Variants in PC observed in about 807,000 individuals in gnomAD.
PC encodes the protein pyruvate carboxylase.
In PC, 46 loss-of-function variants were observed where a neutral mutation model predicts 107.8. That is an observed-to-expected ratio of 0.43 (90% CI 0.34 to 0.55). The LOEUF (loss-of-function observed/expected upper bound fraction) is 0.55, where lower values mean the gene tolerates loss of function less well. Ranked by LOEUF, PC falls within the 20% of genes least tolerant of loss-of-function variation. The pLI is 0.04. For missense variants in PC, 1,241 were observed against 1,643.1 expected, an observed-to-expected ratio of 0.76 and a Z score of 4.23; for synonymous variants, 662 against 684.7, an observed-to-expected ratio of 0.97 and a Z score of 0.52.
chr11:66,851,312 C>T, intron 16 of PC, 32 bp from the exon 17 acceptor site: 1 of 1,599,464 alleles, frequency 6.3e-7, no homozygotes, highest in Non-Finnish European at 8.5e-7. Context: ...GGGCTGAGCC[C>T]CACCCCACCT....
In PC at chr11:66,952,087, C is replaced by T. The variant is rs570706910; in HGVS notation, c.-1+343G>A. On this transcript the variant is annotated intron_variant, in intron 3 of 22. Transcript: ENST00000393960. ...ACCTCACACCACAGCTGCCTGCTCT[C>T]CATGCTGACTCAAGGGGTCTTCTCA... is the stretch of plus-strand genomic sequence containing the variant. 7.2e-5 allele frequency among the ~76,000 whole-genome samples: 11 copies of T among 152,258 alleles called. No homozygotes were observed. The East Asian group carries it at 1.2e-3, about 16-fold the overall frequency.
chr11:66,884,273 A>T (rs1947283776), intron 3 of PC, among the ~76,000 whole-genome samples: 1 of 151,692 alleles, frequency 6.6e-6, no homozygotes, highest in Non-Finnish European at 1.5e-5. Flanking sequence ...TTAGCTGGGC[A>T]TGGTGGTGCC....
At chr11:66,906,945 G>A (rs1948185426) in intron 3 of PC, among the ~76,000 whole-genome samples, 1 of 152,168 alleles carries the variant, frequency 6.6e-6, no homozygotes, top group African/African-American at 2.4e-5. Context: ...AACAGAGCAT[G>A]ACCTCAGCCC....
At chr11:66,900,409 G>A (rs145817922) in intron 3 of PC, among the ~76,000 whole-genome samples, 265 of 152,102 alleles carry the variant, frequency 1.7e-3, no homozygotes, top group African/African-American at 6.1e-3. Context: ...TGATCCGCCC[G>A]CCTTGGCCTC....
Position 66,849,719 on chromosome 11 carries a change from G to T in PC, c.3039C>A (p.Tyr1013Ter), listed in dbSNP as rs1487683285. The change falls in exon 21 of 23, where the codon TAC becomes TAA. Residue 1013 changes from tyrosine (Y) to a stop codon, truncating the protein, a stop_gained. Transcript: ENST00000393960. LOFTEE classifies it high-confidence loss of function. The part of the protein sequence containing the change: ...TPEDVLSAAM[Y>*]PDVFAHFKDF... ...CCTTGAAGTGGGCAAACACATCGGG[G>T]TACATAGCTGCTGAGAGCACATCTT... The T allele has an allele frequency of 6.2e-7, 1 of 1,614,088 alleles. No homozygotes were observed. The highest frequency in any genetic ancestry group is 1.1e-5 in the South Asian group (1 of 91,094).
chr11:66,947,247 C>T (rs940880717), intron 3 of PC, among the ~76,000 whole-genome samples: 1 of 151,826 alleles, frequency 6.6e-6, no homozygotes, highest in Non-Finnish European at 1.5e-5. Context: ...AGATGACCAA[C>T]AAAGGTGACT....
intron 3 of PC, among the ~76,000 whole-genome samples, chr11:66,923,247 A>G (rs967638983): frequency 3.3e-5 from 5 of 152,044 alleles, no homozygotes; most frequent in Non-Finnish European, 7.4e-5. Flanking sequence ...CTGTAGTCCC[A>G]GCTACTAGGG....
At chr11:66,900,873 T>C (rs1446454561) in intron 3 of PC, among the ~76,000 whole-genome samples, 2 of 152,212 alleles carry the variant, frequency 1.3e-5, no homozygotes, top group Admixed American at 6.5e-5. Context: ...TTAATTCAAA[T>C]AGATTTTTAA....
intron 3 of PC, among the ~76,000 whole-genome samples, chr11:66,896,649 T>C (rs1947770676): frequency 6.6e-6 from 1 of 152,168 alleles, no homozygotes; most frequent in Non-Finnish European, 1.5e-5. Flanking sequence ...GCCTCACTCT[T>C]ACTGATGAGA....
At position 66,858,882 on chromosome 11, in the gene PC, G is replaced by C; in HGVS notation, c.1368+4892C>G. 1.3e-6 allele frequency: 2 copies of C among 1,558,704 alleles called. No homozygotes were observed. The highest frequency in any genetic ancestry group is 1.7e-6 in the Non-Finnish European group (2 of 1,151,224). On this transcript the variant is annotated intron_variant, in intron 12 of 22. Coordinates refer to ENST00000393960, the MANE Select transcript of PC (RefSeq NM_001040716.2). This position sits in a 1 kb window ranked among gnomAD's most constrained non-coding sequence, Gnocchi z 5.9. ...GCCCCATGGTGGGAACAGCAGTGCC[G>C]AGGGGGGCCGCCCCGGGCCCTCGGA...
chr11:66,870,663 C>T lies in PC; in HGVS notation c.751+112G>A, dbSNP rs45521034. 5.3e-5 allele frequency: 65 copies of T among 1,228,362 alleles called. No individual in the cohort carries two copies. The East Asian group carries it at 8.1e-4, about 15-fold the overall frequency. 76.1% of individuals were successfully genotyped at this position (1,228,362 alleles called of 1,614,324 possible). A position where few individuals can be genotyped will look rare whatever the true frequency, so the allele number is the denominator to read the frequency against. On this transcript the variant is annotated intron_variant, in intron 8 of 22. Transcript: ENST00000393960. The surrounding 1 kb of genome is among the most constrained non-coding windows in gnomAD (Gnocchi z 6.1). ...CACTTTCCAGAGTCCTCTGGAAAAGCGCCCGACAGGCCCCAGGGCTGTCCC... is the reference window on the plus strand; with the variant it reads ...CACTTTCCAGAGTCCTCTGGAAAAGTGCCCGACAGGCCCCAGGGCTGTCCC...
At chr11:66,924,728 T>C (rs1230026356) in intron 3 of PC, among the ~76,000 whole-genome samples, 5 of 152,206 alleles carry the variant, frequency 3.3e-5, no homozygotes, top group East Asian at 3.8e-4. Context: ...TCCAAAGTGA[T>C]AGGATTACAG....
chr11:66,945,958 C>T (rs1321474590), intron 3 of PC, among the ~76,000 whole-genome samples: 8 of 150,972 alleles, frequency 5.3e-5, no homozygotes, highest in Non-Finnish European at 8.9e-5. Context: ...CGGTGGCGGG[C>T]GCCTGTAGTC....
chr11:66,877,758 C>G (rs1295229929), intron 3 of PC, among the ~76,000 whole-genome samples: 1 of 152,196 alleles, frequency 6.6e-6, no homozygotes, highest in African/African-American at 2.4e-5. Context: ...TGTGTTTGCA[C>G]AGGTTTTGAT....
intron 1 of PC, among the ~76,000 whole-genome samples, chr11:66,954,654 T>C (rs1187795894): frequency 1.3e-5 from 2 of 152,174 alleles, no homozygotes; most frequent in Non-Finnish European, 2.9e-5. Context: ...AATGAAAATG[T>C]TGACCAGAGG....
At chr11:66,935,575 C>G (rs1157347501) in intron 3 of PC, among the ~76,000 whole-genome samples, 1 of 152,178 alleles carries the variant, frequency 6.6e-6, no homozygotes, top group Non-Finnish European at 1.5e-5. Flanking sequence ...CTTTTCAGCC[C>G]TGTGCACTGT....
intron 3 of PC, among the ~76,000 whole-genome samples, chr11:66,945,419 G>GT (rs1185918159): frequency 1.7e-4 from 2 of 11,808 alleles, no homozygotes; most frequent in Admixed American, 3.1e-3. Context: ...CAAATGGTTT[G>GT]GGGGGGCGGG....
In PC at chr11:66,866,355, G is replaced by C. The variant is rs565078374; in HGVS notation, c.1023-6C>G. The C allele has an allele frequency of 6.2e-7, 1 of 1,605,992 alleles. No homozygotes were observed. Among genetic ancestry groups the C allele is most frequent in the Non-Finnish European group, 8.5e-7 (1 of 1,174,646 alleles). ...GAGCATGGACCAGGTCTACGCTGTAGGGCATTGGGGGGAGGGGGGAAAGGA... is the reference window on the plus strand; with the variant it reads ...GAGCATGGACCAGGTCTACGCTGTACGGCATTGGGGGGAGGGGGGAAAGGA... On this transcript the variant is annotated splice_region_variant and splice_polypyrimidine_tract_variant and intron_variant, in intron 10 of 22. Transcript: ENST00000393960. The surrounding 1 kb of genome is among the most constrained non-coding windows in gnomAD (Gnocchi z 5.4).
chr11:66,915,029 C>T (rs1028414953), intron 3 of PC, among the ~76,000 whole-genome samples: 1 of 152,022 alleles, frequency 6.6e-6, no homozygotes, highest in Non-Finnish European at 1.5e-5. Context: ...AAGACCCTGT[C>T]TCAAAAACAA....
Sources: allele counts gnomAD v4.1 joint callset (sites outside exome capture counted in the v4.1 genomes callset), GRCh38; gene constraint gnomAD v4.1.1; non-coding constraint Gnocchi (gnomAD v3.1); transcripts MANE v1.5; gene names NCBI Gene and HGNC (gene_info 2026-07-23, HGNC 2026-07-21).